PPP3CC: variants seen among roughly 807,000 people sequenced by gnomAD.
The protein encoded by PPP3CC is protein phosphatase 3 catalytic subunit gamma.
Under a neutral mutation model 60.3 loss-of-function variants are expected in PPP3CC, and 35 were observed. The observed-to-expected ratio is 0.58, with a 90% CI of 0.44 to 0.77. PPP3CC has a LOEUF of 0.77. PPP3CC is among the 30% of genes least tolerant of loss of function. The probability of loss-of-function intolerance (pLI) is 0.00; values close to 1 mark genes in which losing one functional copy is unlikely to be tolerated. For missense variants in PPP3CC, 570 were observed against 628.9 expected (o/e 0.91, Z 1.00); for synonymous variants, 206 against 224.3 (o/e 0.92, Z 0.73).
In PPP3CC at chr8:22,540,893, A is replaced by G. The variant is rs571848976; in HGVS notation, c.*91A>G. 15 of 1,215,446 alleles carry G rather than the reference A, an allele frequency of 1.2e-5. No homozygotes were observed. The South Asian group carries it at 2.2e-4, about 18-fold the overall frequency. The allele number at this position is 1,215,446 out of a possible 1,614,324, so 75.3% of individuals were successfully genotyped here. A position where few individuals can be genotyped will look rare whatever the true frequency, so the allele number is the denominator to read the frequency against. ...GGAAAATGAAAAGCAACTCAAAACAACTTCAACGTGGAGGTGCATTTATAA... is the reference window on the plus strand; with the variant it reads ...GGAAAATGAAAAGCAACTCAAAACAGCTTCAACGTGGAGGTGCATTTATAA... On this transcript the variant is annotated 3_prime_UTR_variant, in exon 14 of 14. Transcript: ENST00000240139.
At chr8:22,510,890 C>T (rs1417835156) in intron 4 of PPP3CC, 196 bp from the exon 5 acceptor site, 4 of 550,308 alleles carry the variant, frequency 7.3e-6, no homozygotes, top group African/African-American at 5.7e-5. Context: ...CAAGGTCACA[C>T]TTGTCTTTAA....
At chr8:22,475,664 C>A in intron 3 of PPP3CC, 40 bp downstream of exon 3, 1 of 1,499,070 alleles carries the variant, frequency 6.7e-7, no homozygotes, top group Admixed American at 2.2e-5. Context: ...ATTATATTGT[C>A]TTTCAAAAAA....
chr8:22,458,938 A>C (rs1837285694), intron 1 of PPP3CC, among the ~76,000 whole-genome samples: 1 of 152,212 alleles, frequency 6.6e-6, no homozygotes, highest in African/African-American at 2.4e-5. Flanking sequence ...TTTTAAATCA[A>C]ATTAAGGAAG....
intron 1 of PPP3CC, among the ~76,000 whole-genome samples, chr8:22,463,770 G>A (rs549946606): frequency 2.0e-5 from 3 of 150,718 alleles, no homozygotes; most frequent in Admixed American, 1.3e-4. Context: ...GGCAGTCTTT[G>A]TACTCGAATG....
chr8:22,518,457 A>C (rs1563770559), intron 6 of PPP3CC, among the ~76,000 whole-genome samples: 1 of 152,178 alleles, frequency 6.6e-6, no homozygotes, highest in Non-Finnish European at 1.5e-5. Flanking sequence ...GATACTTAGG[A>C]CGATTTACAT....
chr8:22,489,683 A>G (rs1254835987), intron 3 of PPP3CC, among the ~76,000 whole-genome samples: 1 of 75,856 alleles, frequency 1.3e-5, no homozygotes, highest in Non-Finnish European at 3.0e-5. Flanking sequence ...TATATATTAT[A>G]TATAAGTATA....
At chr8:22,489,713 G>GTATATAT (rs941540707) in intron 3 of PPP3CC, among the ~76,000 whole-genome samples, 1 of 131,456 alleles carries the variant, frequency 7.6e-6, no homozygotes, top group Non-Finnish European at 1.6e-5. Context: ...TTATATATAA[G>GTATATAT]TATATATTAT....
At chr8:22,456,227 G>A (rs570817050) in intron 1 of PPP3CC, among the ~76,000 whole-genome samples, 9 of 152,244 alleles carry the variant, frequency 5.9e-5, no homozygotes, top group South Asian at 4.1e-4. Context: ...CATACTCACC[G>A]CAGGTCAACC....
At chr8:22,451,179 A>G (rs1010644590) in intron 1 of PPP3CC, among the ~76,000 whole-genome samples, 25 of 148,060 alleles carry the variant, frequency 1.7e-4, no homozygotes, top group Non-Finnish European at 2.2e-4. Context: ...TCTGTCTCCC[A>G]GGCTGGAGTG....
At position 22,480,088 on chromosome 8, in the gene PPP3CC, A is replaced by G. The variant is rs141590795; in HGVS notation, c.372+4464A>G. 5.5e-4 allele frequency among the ~76,000 whole-genome samples: 84 copies of G among 151,938 alleles called. 1 individual carries two copies. The East Asian group carries it at 0.012, about 21-fold the overall frequency. On this transcript the variant is annotated intron_variant, in intron 3 of 13. Transcript: ENST00000240139. ...AAGAGTACTTGTTGAAGTCTTTTCC[A>G]TGAATCTGATTGTGCATGTTTTTAG...
intron 3 of PPP3CC, among the ~76,000 whole-genome samples, chr8:22,483,208 T>C (rs1838120814): frequency 2.6e-5 from 4 of 152,228 alleles, no homozygotes; most frequent in Non-Finnish European, 4.4e-5. Flanking sequence ...TTTATAGTTT[T>C]GTATTAGTGT....
chr8:22,478,332 A>G (rs1282587239), intron 3 of PPP3CC, among the ~76,000 whole-genome samples: 1 of 150,732 alleles, frequency 6.6e-6, no homozygotes, highest in Non-Finnish European at 1.5e-5. Context: ...CTGTATTTTT[A>G]GTAGAGATGG....
chr8:22,467,599 T>G (rs1314399576), intron 1 of PPP3CC, among the ~76,000 whole-genome samples: 1 of 152,054 alleles, frequency 6.6e-6, no homozygotes, highest in Non-Finnish European at 1.5e-5. Flanking sequence ...ACCCGGCTAA[T>G]TTTTTATTTT....
chr8:22,454,919 G>A (rs980226176), intron 1 of PPP3CC, among the ~76,000 whole-genome samples: 1 of 151,846 alleles, frequency 6.6e-6, no homozygotes, highest in Non-Finnish European at 1.5e-5. Context: ...AGCCGGGCGC[G>A]GTGGTGGACA....
At chr8:22,525,936 T>G (rs1031191796) in intron 8 of PPP3CC, among the ~76,000 whole-genome samples, 3 of 151,580 alleles carry the variant, frequency 2.0e-5, no homozygotes, top group Non-Finnish European at 4.4e-5. Flanking sequence ...GGTGCGGTCT[T>G]GGCTCACTAC....
At chr8:22,453,762 A>G (rs917728373) in intron 1 of PPP3CC, among the ~76,000 whole-genome samples, 2 of 152,334 alleles carry the variant, frequency 1.3e-5, no homozygotes, top group South Asian at 2.1e-4. Context: ...ATGTTACTCT[A>G]TTTAATACTG....
At chr8:22,527,337 C>A in intron 8 of PPP3CC, 55 bp from the exon 9 acceptor site, 1 of 1,589,806 alleles carries the variant, frequency 6.3e-7, no homozygotes, top group South Asian at 1.1e-5. Context: ...CAAAGCATAC[C>A]ACTTGCCATG....
At position 22,521,785 on chromosome 8, in the gene PPP3CC, A is replaced by G. The variant is rs560822114; in HGVS notation, c.771-706A>G. 2.0e-5 allele frequency among the ~76,000 whole-genome samples: 3 copies of G among 152,258 alleles called. No homozygotes were observed. The South Asian group carries it at 6.2e-4, about 32-fold the overall frequency. On this transcript the variant is annotated intron_variant, in intron 6 of 13. Coordinates refer to ENST00000240139, the MANE Select transcript of PPP3CC (RefSeq NM_005605.5). ...TCTTCCTATCAGGTATTTGTCATTC[A>G]GAGAGGTAATAGTATGAAAAGAATA...
intron 4 of PPP3CC, among the ~76,000 whole-genome samples, chr8:22,501,658 C>T (rs1183242374): frequency 6.6e-6 from 1 of 152,188 alleles, no homozygotes; most frequent in African/African-American, 2.4e-5. Context: ...GAATGCATCT[C>T]TCTGACCTTC....
Sources: allele counts gnomAD v4.1 joint callset (sites outside exome capture counted in the v4.1 genomes callset), GRCh38; gene constraint gnomAD v4.1.1; transcripts MANE v1.5; gene names NCBI Gene and HGNC (gene_info 2026-07-23, HGNC 2026-07-21).